Variants in CUX1 observed in about 807,000 individuals in gnomAD.
CUX1 encodes the protein cut like homeobox 1, also known as protein CASP.
CUX1 carries 31 observed loss-of-function variants against 158.8 expected under a neutral mutation model. That is an observed-to-expected ratio of 0.20 (90% CI 0.15 to 0.26). CUX1 has a LOEUF of 0.26. CUX1 is among the 10% of genes least tolerant of loss of function. CUX1 has a pLI of 1.00. For synonymous variants in CUX1, 879 were observed against 862.1 expected, an observed-to-expected ratio of 1.02 and a Z score of -0.34; for missense variants, 1,589 against 2,014.6, an observed-to-expected ratio of 0.79 and a Z score of 4.04.
At chr7:101,853,434 G>T (rs1371547211) in intron 1 of CUX1, among the ~76,000 whole-genome samples, 1 of 152,172 alleles carries the variant, frequency 6.6e-6, no homozygotes, top group Non-Finnish European at 1.5e-5. Context: ...ACCCAGTTGT[G>T]CGGCTAGACC....
chr7:101,916,250 G>A lies in CUX1; in HGVS notation c.141+25G>A, dbSNP rs373330128. 1.6e-5 allele frequency: 22 copies of A among 1,413,212 alleles called. No homozygotes were observed. Among genetic ancestry groups the A allele is most frequent in the South Asian group, 4.6e-5 (4 of 86,954 alleles). The allele number at this position is 1,413,212 out of a possible 1,614,324, so 87.5% of individuals were successfully genotyped here. A position where few individuals can be genotyped will look rare whatever the true frequency, so the allele number is the denominator to read the frequency against. ...GGTGAGGCGCGTGACCATCGTGTTC[G>A]CTTTGAAGGGATCTTAGAATGCTGG... On this transcript the variant is annotated intron_variant, in intron 2 of 23. Transcript: ENST00000292535. The surrounding 1 kb of genome is among the most constrained non-coding windows in gnomAD (Gnocchi z 4.4).
intron 11 of CUX1, among the ~76,000 whole-genome samples, chr7:102,179,247 C>T (rs1414069466): frequency 2.6e-5 from 4 of 152,132 alleles, no homozygotes; most frequent in African/African-American, 9.7e-5. Context: ...GGGGTTTCGC[C>T]ACATTGGCCA....
At position 102,249,679 on chromosome 7, in the gene CUX1, AGGG is replaced by A. The variant is rs1226577293; in HGVS notation, c.*642_*644del. The A allele has an allele frequency of 1.0e-6, 1 of 977,954 alleles. No homozygotes were observed. The allele number at this position is 977,954 out of a possible 1,614,324, so 60.6% of individuals were successfully genotyped here. A position where few individuals can be genotyped will look rare whatever the true frequency, so the allele number is the denominator to read the frequency against. On this transcript the variant is annotated 3_prime_UTR_variant, in exon 24 of 24. Transcript: ENST00000292535. ...TCTTCTTAAACCAGGAAAAAATAAAAGGGGGGGTGGGATTTTTCAGAAAAATTA... is the reference window on the plus strand; with the variant it reads ...TCTTCTTAAACCAGGAAAAAATAAAAGGGGTGGGATTTTTCAGAAAAATTA...
At chr7:101,906,051 A>G (rs1265708165) in intron 1 of CUX1, among the ~76,000 whole-genome samples, 2 of 151,132 alleles carry the variant, frequency 1.3e-5, no homozygotes, top group Non-Finnish European at 2.9e-5. Flanking sequence ...GTCTCAAAGT[A>G]CTGGGCTCAA....
At chr7:102,117,446 G>T (rs993324257) in intron 8 of CUX1, among the ~76,000 whole-genome samples, 3 of 147,616 alleles carry the variant, frequency 2.0e-5, no homozygotes, top group Non-Finnish European at 4.5e-5. Flanking sequence ...ATTTGCAGAG[G>T]TGCAGTTCCT....
intron 20 of CUX1, among the ~76,000 whole-genome samples, chr7:102,216,466 A>G (rs1394257633): frequency 6.6e-6 from 1 of 151,826 alleles, no homozygotes; most frequent in Non-Finnish European, 1.5e-5. Context: ...AGGTTTGTCC[A>G]AAGCCAGAAT....
At chr7:102,194,849 C>G (rs782750673) in intron 13 of CUX1, among the ~76,000 whole-genome samples, 2 of 150,946 alleles carry the variant, frequency 1.3e-5, no homozygotes, top group Non-Finnish European at 2.9e-5. Context: ...ATGGTGAAAC[C>G]CTATCTCTGC....
Position 102,059,262 on chromosome 7 carries a change from A to C in CUX1, c.190-11077A>C, listed in dbSNP as rs372548907. Among the ~76,000 whole-genome samples the C allele has an allele frequency of 3.9e-4, 60 of 152,212 alleles. 1 individual carries two copies. Among genetic ancestry groups the C allele is most frequent in the African/African-American group, 1.3e-3 (53 of 41,540 alleles). On this transcript the variant is annotated intron_variant, in intron 3 of 23. Coordinates refer to ENST00000292535, the MANE Select transcript of CUX1 (RefSeq NM_181552.4). ...TAATCTTGTGCTGTCCCCTGCCACA[A>C]ATCTCCTCTATGGATCCCACACCCT...
intron 20 of CUX1, among the ~76,000 whole-genome samples, chr7:102,214,027 C>T (rs997207904): frequency 6.6e-6 from 1 of 152,080 alleles, no homozygotes; most frequent in Non-Finnish European, 1.5e-5. Context: ...CCCAGCTACT[C>T]GGGAGGCTGA....
rs934749129 is a variant in CUX1 at position 102,251,953 on chromosome 7, T to C, written c.*2911T>C. On this transcript the variant is annotated 3_prime_UTR_variant, in exon 24 of 24. Coordinates refer to ENST00000292535, the MANE Select transcript of CUX1 (RefSeq NM_181552.4). The stretch of plus-strand genomic sequence containing the variant: ...GTCATTTTGACCCTCCCAAGCAATT[T>C]AGTCATATGTGTTGTTTTCTCTTTT... The C allele has an allele frequency of 4.1e-6, 4 of 985,282 alleles. No individual in the cohort carries two copies. The Admixed American group carries it at 2.5e-4, about 61-fold the overall frequency. The allele number at this position is 985,282 out of a possible 1,614,324, so 61.0% of individuals were successfully genotyped here.
intron 18 of CUX1, chr7:102,279,943 T>C: frequency 1.3e-6 from 1 of 789,700 alleles, no homozygotes; most frequent in Non-Finnish European, 2.2e-6. Flanking sequence ...TTCCCTTTTT[T>C]GCAGATGAGG....
rs190482185 is a variant in CUX1, at chr7:102,062,192, C to T, written c.190-8147C>T. Among the ~76,000 whole-genome samples the T allele has an allele frequency of 4.8e-3, 731 of 152,316 alleles. 2 individuals carry two copies. Among genetic ancestry groups the T allele is most frequent in the Middle Eastern group, 0.02 (6 of 294 alleles). On this transcript the variant is annotated intron_variant, in intron 3 of 23. Coordinates refer to ENST00000292535, the MANE Select transcript of CUX1 (RefSeq NM_181552.4). ...CATTTCGTGTGGCTATGCCTGACATCACTGAGGAGGGAAAGCACCCAGGGG... is the reference window on the plus strand; with the variant it reads ...CATTTCGTGTGGCTATGCCTGACATTACTGAGGAGGGAAAGCACCCAGGGG...
intron 3 of CUX1, among the ~76,000 whole-genome samples, chr7:102,056,175 G>C (rs927724751): frequency 1.3e-5 from 2 of 152,188 alleles, no homozygotes; most frequent in Non-Finnish European, 2.9e-5. Flanking sequence ...CAAATGCTTT[G>C]GTGGAAGCTG....
chr7:102,056,882 TTTG>T (rs1313101408), intron 3 of CUX1, among the ~76,000 whole-genome samples: 3 of 126,504 alleles, frequency 2.4e-5, no homozygotes, highest in South Asian at 5.5e-4. Flanking sequence ...AAAAAGATTT[TTTG>T]TTTTTTGTTT....
intron 2 of CUX1, among the ~76,000 whole-genome samples, chr7:101,967,915 T>A (rs916679756): frequency 2.0e-5 from 3 of 152,090 alleles, no homozygotes; most frequent in Admixed American, 2.0e-4. Flanking sequence ...TTTTTCTTTG[T>A]TTTTTTGAGA....
intron 1 of CUX1, among the ~76,000 whole-genome samples, chr7:101,856,037 C>T (rs1235665144): frequency 6.6e-6 from 1 of 151,316 alleles, no homozygotes; most frequent in Non-Finnish European, 1.5e-5. Context: ...AAAAATTGGC[C>T]AGGTGTGGTG....
intron 20 of CUX1, chr7:102,280,950 G>C: frequency 1.6e-6 from 2 of 1,248,088 alleles, no homozygotes; most frequent in Non-Finnish European, 2.3e-6. Flanking sequence ...GCCCAGGCTG[G>C]AGGAGCCGCC....
chr7:102,121,795 A>G (rs1832076834), intron 8 of CUX1, among the ~76,000 whole-genome samples: 1 of 152,118 alleles, frequency 6.6e-6, no homozygotes, highest in Non-Finnish European at 1.5e-5. Context: ...CAGGCCCTGG[A>G]CCTGGTCCTT....
intron 2 of CUX1, among the ~76,000 whole-genome samples, chr7:101,918,852 G>A (rs1045132462): frequency 2.0e-5 from 3 of 152,144 alleles, no homozygotes; most frequent in Admixed American, 1.3e-4. Flanking sequence ...TCACAATCTC[G>A]GCTCACTGCA....
Sources: gnomAD v4.1 joint callset for allele counts (sites outside exome capture counted in the v4.1 genomes callset) on GRCh38, gnomAD v4.1.1 for gene constraint, Gnocchi (gnomAD v3.1) non-coding constraint, MANE v1.5 for transcripts, NCBI Gene and HGNC (gene_info 2026-07-23, HGNC 2026-07-21) for gene names.